Variants in GPHN observed in about 807,000 individuals in gnomAD.
GPHN encodes the protein gephyrin.
Under a neutral mutation model 95.5 loss-of-function variants are expected in GPHN, and 17 were observed. That is an observed-to-expected ratio of 0.18 (90% CI 0.12 to 0.27). GPHN has a LOEUF of 0.27. Ranked by LOEUF, GPHN falls within the 10% of genes least tolerant of loss-of-function variation. The probability of loss-of-function intolerance (pLI) is 1.00; values close to 1 mark genes in which losing one functional copy is unlikely to be tolerated. For missense variants in GPHN, 660 were observed against 978.1 expected, an observed-to-expected ratio of 0.67 and a Z score of 4.34; for synonymous variants, 320 against 322.5, an observed-to-expected ratio of 0.99 and a Z score of 0.08.
At chr14:66,929,078 TAG>T (rs1337955682) in intron 8 of GPHN, among the ~76,000 whole-genome samples, 1 of 146,802 alleles carries the variant, frequency 6.8e-6, no homozygotes, top group East Asian at 2.0e-4. Context: ...TTTTTTAAGA[TAG>T]AGTCTTGCTT....
At chr14:67,135,393 A>G (rs2080014798) in intron 17 of GPHN, among the ~76,000 whole-genome samples, 1 of 152,148 alleles carries the variant, frequency 6.6e-6, no homozygotes, top group South Asian at 2.1e-4. Context: ...CCAGAACATT[A>G]CTTGGTGATT....
At chr14:67,662,535 T>C in the GPHN span, 1 of 1,608,114 alleles carries the variant, frequency 6.2e-7, no homozygotes, top group Non-Finnish European at 8.5e-7. Context: ...CTTCTTTTCT[T>C]CTAGAAAAGA....
chr14:66,702,118 G>A (rs535319908), intron 2 of GPHN, among the ~76,000 whole-genome samples: 1 of 152,286 alleles, frequency 6.6e-6, no homozygotes, highest in East Asian at 1.9e-4. Context: ...ACTCCAGCCA[G>A]AGGCTCAGGG....
rs377157098 is a variant in GPHN at position 66,930,342 on chromosome 14, G to T, written c.828+6050G>T. ...GTTTTTTGGTTTGAGGTTACCATGAGCCTTGCAAATACTATCTTATAACCC... is the reference window on the plus strand; with the variant it reads ...GTTTTTTGGTTTGAGGTTACCATGATCCTTGCAAATACTATCTTATAACCC... On this transcript the variant is annotated intron_variant, in intron 8 of 22. Coordinates refer to ENST00000478722, the MANE Select transcript of GPHN (RefSeq NM_020806.5). 2.6e-5 allele frequency among the ~76,000 whole-genome samples: 4 copies of T among 151,934 alleles called. No individual in the cohort carries two copies. In the East Asian group the frequency reaches 7.8e-4, roughly 29 times the overall value.
At chr14:66,567,778 A>G (rs540802334) in intron 1 of GPHN, among the ~76,000 whole-genome samples, 17 of 152,246 alleles carry the variant, frequency 1.1e-4, no homozygotes, top group African/African-American at 3.8e-4. Flanking sequence ...GTAGAATATT[A>G]TGTTTAGTGT....
At chr14:66,685,617 G>C (rs1308084359) in intron 2 of GPHN, among the ~76,000 whole-genome samples, 4 of 151,990 alleles carry the variant, frequency 2.6e-5, no homozygotes, top group African/African-American at 9.7e-5. Flanking sequence ...TTGTAAATTT[G>C]TTTGAGTGCT....
chr14:66,834,503 T>G (rs766010923), intron 4 of GPHN, among the ~76,000 whole-genome samples: 2 of 152,158 alleles, frequency 1.3e-5, no homozygotes, highest in Non-Finnish European at 2.9e-5. Context: ...TCTGCATGTA[T>G]TGAGATAATC....
At chr14:66,917,866 A>G (rs1411785245) in intron 6 of GPHN, among the ~76,000 whole-genome samples, 1 of 152,004 alleles carries the variant, frequency 6.6e-6, no homozygotes, top group Admixed American at 6.6e-5. Flanking sequence ...ATCATCCCAC[A>G]CCCTCTCTTC....
intron 12 of GPHN, among the ~76,000 whole-genome samples, chr14:67,097,138 T>C (rs1178399275): frequency 6.6e-6 from 1 of 152,132 alleles, no homozygotes; most frequent in Non-Finnish European, 1.5e-5. Context: ...GCAAATACTG[T>C]AAATATATTT....
the GPHN span, among the ~76,000 whole-genome samples, chr14:67,641,898 A>G: frequency 1.5e-4 from 23 of 152,124 alleles, no homozygotes. Context: ...TCTTTTTGAT[A>G]TTTTATTTCT....
chr14:67,577,288 C>T, the GPHN span: 1,529,967 of 1,543,520 alleles, frequency 0.99, 758,829 homozygotes, highest in Non-Finnish European at 1. Flanking sequence ...TCTCTGGTTC[C>T]GTGCTTTGGG....
chr14:67,168,369 T>C (rs577644975), intron 20 of GPHN, among the ~76,000 whole-genome samples: 81 of 152,342 alleles, frequency 5.3e-4, no homozygotes, highest in Middle Eastern at 3.4e-3. Context: ...ATATTGGAGT[T>C]ATAGCTTTAT....
the GPHN span, among the ~76,000 whole-genome samples, chr14:67,393,523 G>A: frequency 0.15 from 22,611 of 151,912 alleles, 3,173 homozygotes; most frequent in East Asian, 0.42. Context: ...GCAAGATCTC[G>A]GCTAACTGTG....
intron 18 of GPHN, among the ~76,000 whole-genome samples, chr14:67,144,253 ATATATATATATATATAT>A (rs2080728882): frequency 1.7e-4 from 8 of 46,456 alleles, no homozygotes; most frequent in African/African-American, 5.6e-4. Context: ...AAAAAAAAAT[ATATATATATATATATAT>A]ATATATATAT....
At chr14:67,247,421 T>A in the GPHN span, among the ~76,000 whole-genome samples, 2 of 151,958 alleles carry the variant, frequency 1.3e-5, no homozygotes, top group African/African-American at 4.8e-5. Context: ...ATTTTAGTAA[T>A]TTTTTTTGGA....
the GPHN span, among the ~76,000 whole-genome samples, chr14:67,215,007 C>T: frequency 6.6e-6 from 1 of 152,114 alleles, no homozygotes; most frequent in African/African-American, 2.4e-5. Context: ...GATTTTTGCA[C>T]ATTGATTTTG....
At chr14:67,416,531 A>C in the GPHN span, among the ~76,000 whole-genome samples, 1 of 152,256 alleles carries the variant, frequency 6.6e-6, no homozygotes, top group Non-Finnish European at 1.5e-5. Flanking sequence ...TACAGGCAGG[A>C]AAAGACTAAA....
intron 1 of GPHN, among the ~76,000 whole-genome samples, chr14:66,620,328 A>G (rs534171123): frequency 6.6e-6 from 1 of 152,302 alleles, no homozygotes; most frequent in East Asian, 1.9e-4. Flanking sequence ...TGATAAAGAC[A>G]TACCTGAGAC....
intron 1 of GPHN, among the ~76,000 whole-genome samples, chr14:66,608,321 T>C (rs1595209184): frequency 1.3e-5 from 2 of 152,134 alleles, no homozygotes; most frequent in Admixed American, 6.5e-5. Context: ...TGTTGGTTTT[T>C]GTTTTTATTG....
Sources: allele counts gnomAD v4.1 joint callset (sites outside exome capture counted in the v4.1 genomes callset), GRCh38; gene constraint gnomAD v4.1.1; transcripts MANE v1.5; gene names NCBI Gene and HGNC (gene_info 2026-07-23, HGNC 2026-07-21).